The following HOXA3 variants were observed in gnomAD, a reference collection of about 807,000 sequenced individuals.
HOXA3 encodes the protein homeobox protein Hox-A3.
HOXA3 carries 8 observed loss-of-function variants against 30.3 expected under a neutral mutation model. The ratio of observed to expected loss-of-function variants is 0.26; its 90% CI spans 0.15 to 0.48. The LOEUF is 0.48. Ranked by LOEUF, HOXA3 falls within the 20% of genes least tolerant of loss-of-function variation. The pLI, the probability that HOXA3 is intolerant of heterozygous loss-of-function variation, is 0.99. For synonymous variants in HOXA3, 323 were observed against 273.1 expected, an observed-to-expected ratio of 1.18 and a Z score of -1.80; for missense variants, 653 against 614.4, an observed-to-expected ratio of 1.06 and a Z score of -0.66.
chr7:27,129,631 G>A (rs926578589), intron 2 of HOXA3: 1 of 1,586,002 alleles, frequency 6.3e-7, no homozygotes, highest in Non-Finnish European at 8.6e-7. Context: ...GAGAGGGAAA[G>A]GAGGAGGAGA....
chr7:27,127,614 G>A (rs1162776410), intron 2 of HOXA3, among the ~76,000 whole-genome samples: 4 of 152,194 alleles, frequency 2.6e-5, no homozygotes, highest in Non-Finnish European at 5.9e-5. Context: ...GTGTGCACAG[G>A]TTTTTGTGGT....
At chr7:27,143,421 G>C in intron 1 of HOXA3, 1 of 1,612,338 alleles carries the variant, frequency 6.2e-7, no homozygotes, top group Non-Finnish European at 8.5e-7. Flanking sequence ...GAGCCAAAGT[G>C]GCCGGAGCCC....
intron 3 of HOXA3, among the ~76,000 whole-genome samples, chr7:27,125,602 T>C (rs541621110): frequency 2.0e-5 from 3 of 152,260 alleles, no homozygotes; most frequent in African/African-American, 7.2e-5. Flanking sequence ...GTGTATAATA[T>C]AGGGAAGGGG....
chr7:27,125,543 C>G (rs1000910670), intron 3 of HOXA3, among the ~76,000 whole-genome samples: 1 of 152,246 alleles, frequency 6.6e-6, no homozygotes, highest in Non-Finnish European at 1.5e-5. Flanking sequence ...CCTATTGTTT[C>G]CAGCCCATGT....
intron 4 of HOXA3, among the ~76,000 whole-genome samples, chr7:27,117,653 A>G (rs966375785): frequency 1.3e-5 from 2 of 151,896 alleles, no homozygotes; most frequent in African/African-American, 2.4e-5. Context: ...TCCCTCATCG[A>G]TTTCCCTCTT....
chr7:27,129,896 C>G (rs1785448275), intron 2 of HOXA3: 1 of 615,790 alleles, frequency 1.6e-6, no homozygotes, highest in African/African-American at 1.8e-5. Context: ...TTTGGCGTCT[C>G]GTAAATCTCC....
At chr7:27,140,033 A>AGAGAGAGAG (rs1281735462) in intron 2 of HOXA3, 50 bp downstream of exon 2, 12 of 118,848 alleles carry the variant, frequency 1.0e-4, no homozygotes, top group East Asian at 5.1e-4. Flanking sequence ...GAGAGAGAGA[A>AGAGAGAGAG]AGTTTCCAAA....
chr7:27,129,172 A>G, intron 2 of HOXA3: 1 of 1,068,448 alleles, frequency 9.4e-7, no homozygotes, highest in South Asian at 1.2e-5. Flanking sequence ...GGAGCAGGAG[A>G]AGAGAAGAGA....
intron 1 of HOXA3, among the ~76,000 whole-genome samples, chr7:27,146,106 C>T (rs1175673893): frequency 6.6e-6 from 1 of 152,218 alleles, no homozygotes; most frequent in Admixed American, 6.5e-5. Flanking sequence ...ATGTTTTCCA[C>T]CTATAACGAC....
At chr7:27,129,372 T>C in intron 2 of HOXA3, 2 of 1,614,150 alleles carry the variant, frequency 1.2e-6, no homozygotes, top group South Asian at 2.2e-5. Context: ...GTTTGTGGTC[T>C]TTCTTCCACT....
In HOXA3 at chr7:27,107,857, C is replaced by CAAA; in HGVS notation, c.*57_*58insTTT. 9.6e-7 allele frequency: 1 copy of CAAA among 1,039,910 alleles called. No homozygotes were observed. The highest frequency in any genetic ancestry group is 1.3e-6 in the Non-Finnish European group (1 of 771,754). The allele number at this position is 1,039,910 out of a possible 1,614,324, so 64.4% of individuals were successfully genotyped here. On this transcript the variant is annotated 3_prime_UTR_variant, in exon 6 of 6. Coordinates refer to ENST00000612286, the MANE Select transcript of HOXA3 (RefSeq NM_153631.3). ...TAAAAAAAAAAAAAAAAAAAAGCAA[C>CAAA]CAAAGAAAAAAGGTGGGTGGGGGGA...
Position 27,110,288 on chromosome 7 carries a change from G to C in HOXA3, c.353C>G (p.Ala118Gly), listed in dbSNP as rs1212072086. The part of the protein sequence containing the change: ...APQPPAPTPA[A>G]PPPPSSASPP... ...GGAGGCAGAAGAGGGAGGCGGGGGCGCGGCAGGGGTAGGTGCAGGGGGCTG... is the reference window on the plus strand; with the variant it reads ...GGAGGCAGAAGAGGGAGGCGGGGGCCCGGCAGGGGTAGGTGCAGGGGGCTG... The change falls in exon 5 of 6, where the codon GCG becomes GGG. Residue 118 changes from alanine to glycine, a missense_variant. Ala to Gly is a moderately conservative substitution (Grantham distance 60). This residue lies in a region of HOXA3 where 320 missense variants were observed against 321.9 expected (regional missense o/e 0.99). Transcript: ENST00000612286. The C allele has an allele frequency of 3.8e-6, 6 of 1,598,516 alleles. No individual in the cohort carries two copies. The African/African-American group carries it at 8.0e-5, about 21-fold the overall frequency.
intron 2 of HOXA3, among the ~76,000 whole-genome samples, chr7:27,135,011 C>T (rs1379895209): frequency 9.2e-5 from 14 of 152,124 alleles, no homozygotes; most frequent in Admixed American, 9.2e-4. Flanking sequence ...TAGATTCTTA[C>T]AGCACCAACA....
Position 27,126,873 on chromosome 7 carries a change from T to C in HOXA3, c.-205+13A>G, listed in dbSNP as rs4722658. On this transcript the variant is annotated intron_variant, in intron 3 of 5. Transcript: ENST00000612286. ...CCCCTCTTTTCCCACAAAGGAGAAA[T>C]ATAAGAATTTACCTTAAATGATGAT... The C allele has an allele frequency of 0.95, 144,527 of 152,156 alleles. 68,728 individuals carry two copies. Among genetic ancestry groups the C allele is most frequent in the East Asian group, 1 (5,155 of 5,164 alleles). 9.4% of individuals were successfully genotyped at this position (152,156 alleles called of 1,614,324 possible).
chr7:27,121,090 G>C (rs1784983215), intron 4 of HOXA3: 2 of 152,198 alleles, frequency 1.3e-5, no homozygotes, highest in Non-Finnish European at 2.9e-5. Flanking sequence ...TGGCAGATTA[G>C]ATATATCTGT....
chr7:27,107,814 G>A lies in HOXA3; in HGVS notation c.*101C>T. On this transcript the variant is annotated 3_prime_UTR_variant, in exon 6 of 6. Coordinates refer to ENST00000612286, the MANE Select transcript of HOXA3 (RefSeq NM_153631.3). ...CGGAGAAGAGAGAAAAGGAAGGAAG[G>A]AAAGGGCAGGAAGAACCTAAAAAAA... The A allele has an allele frequency of 1.3e-6, 1 of 771,360 alleles. No homozygotes were observed. Among genetic ancestry groups the A allele is most frequent in the Non-Finnish European group, 1.9e-6 (1 of 515,838 alleles). 47.8% of individuals were successfully genotyped at this position (771,360 alleles called of 1,614,324 possible).
At position 27,140,107 on chromosome 7, in the gene HOXA3, CAG is replaced by C. The variant is rs1197584365; in HGVS notation, c.-416_-415del. ...CCTTAACTCGGAGGGAGCCATTTTT[CAG>C]AGAGTTTTGAGAACTTGTGGTTTGG... On this transcript the variant is annotated 5_prime_UTR_variant, in exon 2 of 6. Transcript: ENST00000612286. 9 of 152,044 alleles carry C rather than the reference CAG, an allele frequency of 5.9e-5. No homozygotes were observed. The East Asian group carries it at 7.8e-4, about 13-fold the overall frequency. The allele number at this position is 152,044 out of a possible 1,614,324, so 9.4% of individuals were successfully genotyped here. A position where few individuals can be genotyped will look rare whatever the true frequency, so the allele number is the denominator to read the frequency against.
At chr7:27,130,076 G>A (rs1173189668) in intron 2 of HOXA3, 1 of 1,550,512 alleles carries the variant, frequency 6.4e-7, no homozygotes, top group Non-Finnish European at 8.7e-7. Flanking sequence ...CCCAGGCCCA[G>A]CCCCGGCCCA....
At chr7:27,111,485 C>CGTGTGTGT (rs61655486) in intron 4 of HOXA3, among the ~76,000 whole-genome samples, 9,080 of 148,802 alleles carry the variant, frequency 0.061, 386 homozygotes, top group African/African-American at 0.11. Flanking sequence ...GAACACATTG[C>CGTGTGTGT]GTGTGTGTGT....
Sources: gnomAD v4.1 joint callset for allele counts (sites outside exome capture counted in the v4.1 genomes callset) on GRCh38, gnomAD v4.1.1 for gene constraint, gnomAD v4.1.1 regional missense constraint, MANE v1.5 for transcripts, NCBI Gene and HGNC (gene_info 2026-07-23, HGNC 2026-07-21) for gene names.